CTPS1: variants seen among roughly 807,000 people sequenced by gnomAD.
CTPS1 encodes CTP synthetase 1.
A neutral mutation model predicts 80.5 loss-of-function variants in CTPS1; 25 were observed. That is an observed-to-expected ratio of 0.31 (90% CI 0.23 to 0.43). The LOEUF is 0.43. Ranked by LOEUF, CTPS1 falls within the 20% of genes least tolerant of loss-of-function variation. The pLI is 1.00. For missense variants in CTPS1, 442 were observed against 725.7 expected (o/e 0.61, Z 4.49); for synonymous variants, 267 against 252.5 (o/e 1.06, Z -0.54).
chr1:40,996,254 G>A (rs1287854075), intron 8 of CTPS1, 186 bp downstream of exon 8: 1 of 662,872 alleles, frequency 1.5e-6, no homozygotes, highest in Non-Finnish European at 2.5e-6. Flanking sequence ...CACAGATGAG[G>A]AGATCCTGAT....
At chr1:40,995,301 C>T (rs939365716) in intron 7 of CTPS1, among the ~76,000 whole-genome samples, 1 of 152,144 alleles carries the variant, frequency 6.6e-6, no homozygotes, top group Non-Finnish European at 1.5e-5. Context: ...TCACTGCAAC[C>T]TCCAACTCCC....
At position 41,010,071 on chromosome 1, in the gene CTPS1, AG is replaced by A. The variant is rs1354421164; in HGVS notation, c.1692-89del. The A allele has an allele frequency of 2.7e-5, 21 of 771,528 alleles. No homozygotes were observed. In the Middle Eastern group the frequency reaches 1.4e-3, roughly 52 times the overall value. 47.8% of individuals were successfully genotyped at this position (771,528 alleles called of 1,614,324 possible). A position where few individuals can be genotyped will look rare whatever the true frequency, so the allele number is the denominator to read the frequency against. On this transcript the variant is annotated intron_variant, in intron 17 of 18. Coordinates refer to ENST00000650070, the MANE Select transcript of CTPS1 (RefSeq NM_001905.4). ...TTGTGATTCCTGCCATGTGCAGGCA[AG>A]TGTCCCTGTAGGAACCGTGGTTACA...
chr1:40,995,640 C>G (rs1441360634), intron 7 of CTPS1, among the ~76,000 whole-genome samples: 1 of 152,128 alleles, frequency 6.6e-6, no homozygotes, highest in African/African-American at 2.4e-5. Flanking sequence ...CTCGAGCAAT[C>G]CTCCTGCCAT....
chr1:40,989,065 G>A (rs750430287), intron 5 of CTPS1, among the ~76,000 whole-genome samples: 2 of 152,270 alleles, frequency 1.3e-5, no homozygotes, highest in East Asian at 1.9e-4. Flanking sequence ...GCATAGAACC[G>A]ACTAAGCTGA....
chr1:40,985,865 A>G (rs1273654120), intron 3 of CTPS1, among the ~76,000 whole-genome samples: 1 of 152,232 alleles, frequency 6.6e-6, no homozygotes, highest in Non-Finnish European at 1.5e-5. Flanking sequence ...AAATGGAGAC[A>G]ATAACAACAC....
At chr1:40,990,531 T>C (rs1034907955) in intron 5 of CTPS1, among the ~76,000 whole-genome samples, 5 of 152,110 alleles carry the variant, frequency 3.3e-5, no homozygotes, top group Non-Finnish European at 7.4e-5. Context: ...ACACCTGTTA[T>C]CTCAGCAGTT....
intron 17 of CTPS1, 103 bp downstream of exon 17, chr1:41,009,692 A>G (rs575379674): frequency 7.1e-7 from 1 of 1,417,306 alleles, no homozygotes; most frequent in Non-Finnish European, 9.6e-7. Context: ...TAAGAAAAAA[A>G]AGCCACAGGC....
chr1:40,991,268 G>C lies in CTPS1; in HGVS notation c.639+20G>C. 1 of 1,540,812 alleles carries C rather than the reference G, an allele frequency of 6.5e-7. No individual in the cohort carries two copies. On this transcript the variant is annotated intron_variant, in intron 6 of 18. Coordinates refer to ENST00000650070, the MANE Select transcript of CTPS1 (RefSeq NM_001905.4). Reference sequence around the variant, plus strand: ...GATCTGGTAAGATTTCCTGATAGCTGGTTGCAGTGTAATCTTTTATGTCTA... The same window carrying C: ...GATCTGGTAAGATTTCCTGATAGCTCGTTGCAGTGTAATCTTTTATGTCTA...
At chr1:41,000,856 T>A (rs2148410833) in intron 9 of CTPS1, 173 bp from the exon 10 acceptor site, 1 of 358,592 alleles carries the variant, frequency 2.8e-6, no homozygotes. Context: ...TAAAAAATGT[T>A]TAAGTTATTA....
In CTPS1 at chr1:41,010,235, A is replaced by T. The variant is rs1385399511; in HGVS notation, c.1766A>T (p.Asn589Ile). Residue 589 changes from asparagine (N) to isoleucine (I), a missense_variant, in exon 18 of 19, where the codon AAT (asparagine) becomes ATT (isoleucine). Physicochemically the swap from Asn to Ile is moderately radical, Grantham distance 149. This residue lies in a region of CTPS1 where 321 missense variants were observed against 467.2 expected (regional missense o/e 0.69). Transcript: ENST00000650070. Reference sequence around the variant, plus strand: ...ACCGAACTGAAGTTTCCATCAATAAATCATGACTGATCTTGTAGCGTAAGT... The same window carrying T: ...ACCGAACTGAAGTTTCCATCAATAATTCATGACTGATCTTGTAGCGTAAGT... ...EITELKFPSI[N>I]HD 1 of 1,612,102 alleles carries T rather than the reference A, an allele frequency of 6.2e-7. No homozygotes were observed. Among genetic ancestry groups the T allele is most frequent in the Non-Finnish European group, 8.5e-7 (1 of 1,178,264 alleles).
chr1:40,980,068 T>G (rs567978609), intron 1 of CTPS1: 1 of 150,362 alleles, frequency 6.7e-6, no homozygotes, highest in Non-Finnish European at 1.5e-5. Flanking sequence ...CGGGCGGCGC[T>G]GGGGAGAGGG....
chr1:41,003,009 T>C, intron 11 of CTPS1, 105 bp from the exon 12 acceptor site: 1 of 1,097,578 alleles, frequency 9.1e-7, no homozygotes. Context: ...TTTGCAATTA[T>C]AATTCTCCAA....
chr1:40,984,691 GAAGTGAATTTCTGTGCTTCCTA>G, intron 2 of CTPS1, 108 bp from the exon 3 acceptor site: 1 of 662,340 alleles, frequency 1.5e-6, no homozygotes, highest in Non-Finnish European at 2.3e-6. Flanking sequence ...TAGTCTTCTA[GAAGTGAATTTCTGTGCTTCCTA>G]TTACGTAATT....
intron 7 of CTPS1, among the ~76,000 whole-genome samples, chr1:40,994,023 C>A (rs1028131184): frequency 1.3e-5 from 2 of 152,088 alleles, no homozygotes; most frequent in African/African-American, 4.8e-5. Context: ...AGGTGATCTG[C>A]CTGCCTCGGC....
intron 4 of CTPS1, 197 bp from the exon 5 acceptor site, chr1:40,988,397 G>A: frequency 5.8e-6 from 3 of 514,498 alleles, no homozygotes; most frequent in Non-Finnish European, 1.0e-5. Context: ...GGAAGGATGA[G>A]CCTGTCCAAA....
intron 1 of CTPS1, chr1:40,982,009 C>T (rs1193331857): frequency 1.6e-6 from 2 of 1,288,782 alleles, no homozygotes; most frequent in Non-Finnish European, 2.0e-6. Context: ...GCATTTTCTG[C>T]TACTTTCTAA....
intron 7 of CTPS1, among the ~76,000 whole-genome samples, chr1:40,994,152 T>G (rs1180859492): frequency 1.3e-5 from 2 of 152,206 alleles, no homozygotes; most frequent in Non-Finnish European, 2.9e-5. Flanking sequence ...GTTTTTTTCT[T>G]TTATGGATTG....
In CTPS1 at chr1:41,001,088, C is replaced by T. The variant is rs771600893; in HGVS notation, c.1065C>T (p.His355=). 58 of 1,612,130 alleles carry T rather than the reference C, an allele frequency of 3.6e-5. No homozygotes were observed. Among genetic ancestry groups the T allele is most frequent in the Non-Finnish European group, 4.3e-5 (51 of 1,179,404 alleles). Residue 355 remains histidine, a synonymous_variant, in exon 10 of 19, where the codon CAC becomes CAT. Transcript: ENST00000650070. Reference sequence around the variant, plus strand: ...CGCAAGAAGAGCCCGTGCGCTACCACGAAGCTTGGCAGAAGCTCTGTAGTG... The same window carrying T: ...CGCAAGAAGAGCCCGTGCGCTACCATGAAGCTTGGCAGAAGCTCTGTAGTG... The part of the protein sequence containing the change: ...ITSQEEPVRY[H]EAWQKLCSAH...
At chr1:40,988,534 A>G (rs1642516998) in intron 4 of CTPS1, 60 bp from the exon 5 acceptor site, 1 of 1,131,146 alleles carries the variant, frequency 8.8e-7, no homozygotes, top group Non-Finnish European at 1.3e-6. Context: ...AGTTGTTAGA[A>G]AACTAAACTG....
Sources: gnomAD v4.1 joint callset for allele counts (sites outside exome capture counted in the v4.1 genomes callset) on GRCh38, gnomAD v4.1.1 for gene constraint, gnomAD v4.1.1 regional missense constraint, MANE v1.5 for transcripts, NCBI Gene and HGNC (gene_info 2026-07-23, HGNC 2026-07-21) for gene names.